Variants in ARHGAP6 observed in about 807,000 individuals in gnomAD.
ARHGAP6 encodes Rho GTPase activating protein 6.
Under a neutral mutation model 55.7 loss-of-function variants are expected in ARHGAP6, and 16 were observed. That is an observed-to-expected ratio of 0.29 (90% CI 0.19 to 0.44). The LOEUF (loss-of-function observed/expected upper bound fraction) is 0.44. ARHGAP6 is among the 20% of genes least tolerant of loss of function. The pLI is 1.00. For synonymous variants in ARHGAP6, 382 were observed against 360.9 expected, an observed-to-expected ratio of 1.06 and a Z score of -0.66; for missense variants, 698 against 808.9, an observed-to-expected ratio of 0.86 and a Z score of 1.66.
intron 1 of ARHGAP6, among the ~76,000 whole-genome samples, chrX:11,487,775 G>T (rs1352753382): frequency 9.0e-6 from 1 of 111,598 alleles, no homozygotes; most frequent in Non-Finnish European, 1.9e-5. Context: ...TGAGTCCATG[G>T]TGATATAAAT....
chrX:11,468,782 C>A (rs1300995352), intron 1 of ARHGAP6, among the ~76,000 whole-genome samples: 1 of 112,216 alleles, frequency 8.9e-6, no homozygotes, highest in African/African-American at 3.2e-5. Context: ...AAAGGGAAAG[C>A]CACAAAAATG....
chrX:11,218,847 G>C (rs183453915), intron 2 of ARHGAP6, among the ~76,000 whole-genome samples: 1 of 109,167 alleles, frequency 9.2e-6, no homozygotes, highest in Non-Finnish European at 1.9e-5. Context: ...TTTGATTCTT[G>C]TCTCTTTTCT....
intron 1 of ARHGAP6, among the ~76,000 whole-genome samples, chrX:11,394,925 C>T (rs1046408122): frequency 9.0e-6 from 1 of 111,553 alleles, no homozygotes; most frequent in African/African-American, 3.3e-5. Context: ...GGACCTCTTG[C>T]TCAGATTAAT....
intron 1 of ARHGAP6, among the ~76,000 whole-genome samples, chrX:11,325,878 C>T (rs2048490734): frequency 9.0e-6 from 1 of 111,502 alleles, no homozygotes; most frequent in South Asian, 3.8e-4. Flanking sequence ...TGGCATCTAG[C>T]GGCTAGAAAT....
At chrX:11,520,607 C>T (rs1288336020) in intron 1 of ARHGAP6, among the ~76,000 whole-genome samples, 5 of 110,707 alleles carry the variant, frequency 4.5e-5, no homozygotes, top group African/African-American at 1.3e-4. Flanking sequence ...TTGAGAATAG[C>T]GCCACAATAA....
chrX:11,270,567 C>G (rs2147514100), intron 1 of ARHGAP6, among the ~76,000 whole-genome samples: 1 of 112,223 alleles, frequency 8.9e-6, no homozygotes, highest in East Asian at 2.8e-4. Flanking sequence ...ACAAGTAGAA[C>G]TAGCCACTCT....
chrX:11,232,398 A>T (rs752557404), intron 2 of ARHGAP6, among the ~76,000 whole-genome samples: 10 of 111,123 alleles, frequency 9.0e-5, no homozygotes, highest in Admixed American at 2.9e-4. Flanking sequence ...AGGCCGGCAG[A>T]TCACCTGAGG....
intron 1 of ARHGAP6, among the ~76,000 whole-genome samples, chrX:11,494,553 A>C (rs2050603837): frequency 8.9e-6 from 1 of 112,837 alleles, no homozygotes; most frequent in Admixed American, 9.3e-5. Flanking sequence ...AAGAGTAGAG[A>C]TTTGGTTCCT....
intron 2 of ARHGAP6, among the ~76,000 whole-genome samples, chrX:11,229,495 G>C (rs1053278125): frequency 1.8e-5 from 2 of 111,933 alleles, no homozygotes; most frequent in Admixed American, 1.9e-4. Flanking sequence ...ATTATGTAGG[G>C]TGCTTTGTTT....
At chrX:11,658,574 C>A (rs1188864667) in intron 1 of ARHGAP6, among the ~76,000 whole-genome samples, 1 of 109,048 alleles carries the variant, frequency 9.2e-6, no homozygotes, top group Non-Finnish European at 1.9e-5. Flanking sequence ...AAATTTAATT[C>A]CAGTTTCCAT....
intron 1 of ARHGAP6, among the ~76,000 whole-genome samples, chrX:11,303,585 C>A (rs768503438): frequency 1.8e-5 from 2 of 112,273 alleles, no homozygotes; most frequent in South Asian, 7.4e-4. Context: ...ATTCACTTTA[C>A]TATTAATTTT....
At chrX:11,276,643 CCATCTGCACTTACTGGTTCA>C (rs1464296012) in intron 1 of ARHGAP6, among the ~76,000 whole-genome samples, 10 of 110,564 alleles carry the variant, frequency 9.0e-5, no homozygotes, top group Non-Finnish European at 1.3e-4. Context: ...TGAAAACAAG[CCATCTGCACTTACTGGTTCA>C]CATCTGATTT....
At chrX:11,367,860 T>C in intron 1 of ARHGAP6, 1 of 702,731 alleles carries the variant, frequency 1.4e-6, no homozygotes. Flanking sequence ...AATAGAAGAG[T>C]CAGTTGGCAA....
At chrX:11,640,604 T>A (rs2052464054) in intron 1 of ARHGAP6, among the ~76,000 whole-genome samples, 1 of 111,739 alleles carries the variant, frequency 8.9e-6, no homozygotes, top group African/African-American at 3.2e-5. Flanking sequence ...ATCCTATAAC[T>A]GGGACTCCTG....
intron 1 of ARHGAP6, among the ~76,000 whole-genome samples, chrX:11,363,787 AT>A (rs1274209522): frequency 1.8e-5 from 2 of 112,406 alleles, no homozygotes; most frequent in African/African-American, 6.5e-5. Flanking sequence ...TAAAAAGCAG[AT>A]TGGCAATTTC....
intron 12 of ARHGAP6, among the ~76,000 whole-genome samples, chrX:11,140,021 A>G (rs1003616821): frequency 9.0e-6 from 1 of 110,823 alleles, no homozygotes; most frequent in Non-Finnish European, 1.9e-5. Flanking sequence ...CACTATGCAT[A>G]TTCTCCTACC....
intron 1 of ARHGAP6, among the ~76,000 whole-genome samples, chrX:11,442,290 G>A (rs1226417792): frequency 9.2e-6 from 1 of 108,642 alleles, no homozygotes; most frequent in South Asian, 4.1e-4. Flanking sequence ...AAAAGACCTG[G>A]CTGTTTCTTC....
intron 1 of ARHGAP6, among the ~76,000 whole-genome samples, chrX:11,525,466 A>T (rs1419415666): frequency 8.9e-6 from 1 of 111,842 alleles, no homozygotes; most frequent in Non-Finnish European, 1.9e-5. Context: ...CTTGTTGGTG[A>T]ATGGATTATT....
chrX:11,616,070 C>T (rs775095735), intron 1 of ARHGAP6, among the ~76,000 whole-genome samples: 1 of 111,235 alleles, frequency 9.0e-6, no homozygotes, highest in African/African-American at 3.3e-5. Context: ...GCAGGTTCCT[C>T]ATGAATGGCT....
Sources: allele counts gnomAD v4.1 joint callset (sites outside exome capture counted in the v4.1 genomes callset), GRCh38; gene constraint gnomAD v4.1.1; transcripts MANE v1.5; gene names NCBI Gene and HGNC (gene_info 2026-07-23, HGNC 2026-07-21).